Variants in SIK3 observed in about 807,000 individuals in gnomAD.
The protein encoded by SIK3 is SIK family kinase 3.
Under a neutral mutation model 144.2 loss-of-function variants are expected in SIK3, and 28 were observed. The ratio of observed to expected loss-of-function variants is 0.19; its 90% CI spans 0.14 to 0.27. The LOEUF (loss-of-function observed/expected upper bound fraction) is 0.27, where lower values mean the gene tolerates loss of function less well. Among genes scored for constraint, SIK3 ranks in the 10% least tolerant of loss-of-function variants. The probability of loss-of-function intolerance (pLI) is 1.00; values close to 1 mark genes in which losing one functional copy is unlikely to be tolerated. For synonymous variants in SIK3, 686 were observed against 676.3 expected, an observed-to-expected ratio of 1.01 and a Z score of -0.22; for missense variants, 1,319 against 1,776.0, an observed-to-expected ratio of 0.74 and a Z score of 4.62.
chr11:117,020,743 CT>C (rs1319911482), intron 1 of SIK3, among the ~76,000 whole-genome samples: 5 of 152,216 alleles, frequency 3.3e-5, no homozygotes, highest in Non-Finnish European at 5.9e-5. Context: ...GCGTTCAGTA[CT>C]CTTCCAGGCT....
chr11:116,947,471 G>A (rs3133352), intron 3 of SIK3, among the ~76,000 whole-genome samples: 7,998 of 149,416 alleles, frequency 0.054, 454 homozygotes, highest in African/African-American at 0.14. Context: ...ATGAAGTAAA[G>A]ACTATCAATT....
chr11:116,929,570 G>C (rs916817757), intron 3 of SIK3, among the ~76,000 whole-genome samples: 1 of 152,188 alleles, frequency 6.6e-6, no homozygotes, highest in African/African-American at 2.4e-5. Flanking sequence ...GAAGCTGCTG[G>C]AATGCAGCCT....
intron 1 of SIK3, among the ~76,000 whole-genome samples, chr11:117,055,886 C>T (rs1017567944): frequency 2.6e-5 from 4 of 152,186 alleles, no homozygotes; most frequent in African/African-American, 9.7e-5. Context: ...GCATTCAAGG[C>T]ATCGTCTAAG....
chr11:117,069,159 T>C, intron 1 of SIK3, among the ~76,000 whole-genome samples: 1 of 131,528 alleles, frequency 7.6e-6, no homozygotes, highest in Non-Finnish European at 1.6e-5. Flanking sequence ...TTCTGCCAGT[T>C]CTGGTAGTTG....
chr11:117,096,054 A>G (rs1418176884), intron 1 of SIK3, among the ~76,000 whole-genome samples: 1 of 152,254 alleles, frequency 6.6e-6, no homozygotes, highest in East Asian at 1.9e-4. Flanking sequence ...AAAAACTATG[A>G]AAAACACACG....
At chr11:116,871,201 G>A (rs1277315671) in intron 13 of SIK3, among the ~76,000 whole-genome samples, 1 of 152,168 alleles carries the variant, frequency 6.6e-6, no homozygotes, top group East Asian at 1.9e-4. Context: ...CATAGCCTGG[G>A]TGCCCACATC....
chr11:117,068,032 C>T (rs185098996), intron 1 of SIK3, among the ~76,000 whole-genome samples: 163 of 151,962 alleles, frequency 1.1e-3, no homozygotes, highest in Middle Eastern at 3.4e-3. Context: ...TAATTCTGGT[C>T]CCTGAATAAC....
intron 1 of SIK3, among the ~76,000 whole-genome samples, chr11:116,972,683 T>G (rs1314173835): frequency 1.3e-5 from 2 of 152,112 alleles, no homozygotes; most frequent in Non-Finnish European, 2.9e-5. Context: ...AGTCATATTA[T>G]GAAATATATA....
chr11:116,900,707 A>C (rs1196339667), intron 4 of SIK3, among the ~76,000 whole-genome samples: 1 of 152,070 alleles, frequency 6.6e-6, no homozygotes, highest in Admixed American at 6.5e-5. Flanking sequence ...ACTCATTTTC[A>C]AGGCCCAGTC....
Position 116,972,363 on chromosome 11 carries a change from T to C in SIK3, c.274-15299A>G, listed in dbSNP as rs556786768. Among the ~76,000 whole-genome samples the C allele has an allele frequency of 3.3e-5, 5 of 152,234 alleles. No individual in the cohort carries two copies. In the East Asian group the frequency reaches 5.8e-4, roughly 18 times the overall value. ...AGTTGTTAAATATAAACAGAGATAA[T>C]TGACTAATAAAAGAATGGATGACTG... On this transcript the variant is annotated intron_variant, in intron 1 of 24. Coordinates refer to ENST00000445177, the MANE Select transcript of SIK3 (RefSeq NM_001366686.3).
intron 1 of SIK3, among the ~76,000 whole-genome samples, chr11:117,026,755 G>C (rs1952026829): frequency 6.6e-6 from 1 of 152,196 alleles, no homozygotes; most frequent in Non-Finnish European, 1.5e-5. Flanking sequence ...GGCTGGTGCT[G>C]GCAATTTAGT....
chr11:116,889,618 G>A (rs1318950130), intron 6 of SIK3, among the ~76,000 whole-genome samples: 1 of 152,162 alleles, frequency 6.6e-6, no homozygotes, highest in Non-Finnish European at 1.5e-5. Context: ...TATATTGGCT[G>A]GGTGCAGTGG....
intron 3 of SIK3, among the ~76,000 whole-genome samples, chr11:116,940,554 T>C (rs1260696040): frequency 6.6e-6 from 1 of 152,066 alleles, no homozygotes; most frequent in African/African-American, 2.4e-5. Context: ...ATATACTCAA[T>C]ACAGCAAAAA....
intron 1 of SIK3, among the ~76,000 whole-genome samples, chr11:117,063,018 T>C (rs1953864905): frequency 6.6e-6 from 1 of 152,210 alleles, no homozygotes; most frequent in Admixed American, 6.5e-5. Context: ...GAAATCAGCT[T>C]TACTGGTTTC....
chr11:116,937,728 G>A (rs1039508775), intron 3 of SIK3, among the ~76,000 whole-genome samples: 1 of 152,132 alleles, frequency 6.6e-6, no homozygotes, highest in African/African-American at 2.4e-5. Flanking sequence ...TATTTAAGAA[G>A]TAAAAATGCT....
At chr11:117,021,216 C>G (rs1386442257) in intron 1 of SIK3, among the ~76,000 whole-genome samples, 1 of 152,150 alleles carries the variant, frequency 6.6e-6, no homozygotes, top group African/African-American at 2.4e-5. Flanking sequence ...GTCATTCGAG[C>G]AGTTTCTACA....
chr11:117,008,567 T>A (rs142322664), intron 1 of SIK3, among the ~76,000 whole-genome samples: 2 of 152,196 alleles, frequency 1.3e-5, no homozygotes, highest in Non-Finnish European at 2.9e-5. Flanking sequence ...GGGTACTATA[T>A]GTATATTTGA....
At chr11:116,946,429 T>C (rs1948592351) in intron 3 of SIK3, among the ~76,000 whole-genome samples, 1 of 152,128 alleles carries the variant, frequency 6.6e-6, no homozygotes, top group South Asian at 2.1e-4. Flanking sequence ...GCCCTAATTT[T>C]CACAGGGCAC....
intron 1 of SIK3, among the ~76,000 whole-genome samples, chr11:116,967,028 A>C (rs1342363376): frequency 2.0e-5 from 3 of 151,300 alleles, no homozygotes; most frequent in Non-Finnish European, 4.4e-5. Context: ...AAAGAAAAAG[A>C]AAAAGAAAAG....
Sources: allele counts gnomAD v4.1 joint callset (sites outside exome capture counted in the v4.1 genomes callset), GRCh38; gene constraint gnomAD v4.1.1; transcripts MANE v1.5; gene names NCBI Gene and HGNC (gene_info 2026-07-23, HGNC 2026-07-21).